The following WWOX variants were observed in gnomAD, a reference collection of about 807,000 sequenced individuals.
The protein encoded by WWOX is WW domain containing oxidoreductase, also known as WW domain-containing oxidoreductase.
Under a neutral mutation model 46.2 loss-of-function variants are expected in WWOX, and 69 were observed. The ratio of observed to expected loss-of-function variants is 1.49; its 90% CI spans 1.23 to 1.82. The LOEUF (loss-of-function observed/expected upper bound fraction) is 1.82. WWOX is among the 40% of genes most tolerant of loss of function. The pLI is 0.00. For synonymous variants in WWOX, 359 were observed against 202.6 expected (o/e 1.77, Z -6.56); for missense variants, 919 against 542.6 (o/e 1.69, Z -6.89).
chr16:78,505,419 A>G (rs2085170443), intron 8 of WWOX, among the ~76,000 whole-genome samples: 1 of 152,170 alleles, frequency 6.6e-6, no homozygotes, highest in Admixed American at 6.5e-5. Context: ...CTGAGATGGA[A>G]GAGACTGGAG....
intron 8 of WWOX, among the ~76,000 whole-genome samples, chr16:78,682,680 C>T (rs1433335743): frequency 6.6e-6 from 1 of 151,874 alleles, no homozygotes; most frequent in Non-Finnish European, 1.5e-5. Flanking sequence ...TTGAGATTGG[C>T]CTGGGAAATA....
At chr16:78,549,166 C>G (rs1025869169) in intron 8 of WWOX, among the ~76,000 whole-genome samples, 1 of 152,066 alleles carries the variant, frequency 6.6e-6, no homozygotes, top group African/African-American at 2.4e-5. Flanking sequence ...GAGAGATTGC[C>G]GGTCGTAAAG....
intron 8 of WWOX, among the ~76,000 whole-genome samples, chr16:78,666,112 C>G (rs2047327153): frequency 6.6e-6 from 1 of 151,952 alleles, no homozygotes; most frequent in Non-Finnish European, 1.5e-5. Flanking sequence ...TAGTGAGAGC[C>G]CCATGTTTCT....
intron 8 of WWOX, among the ~76,000 whole-genome samples, chr16:79,175,920 A>G (rs1029424440): frequency 2.6e-5 from 4 of 152,050 alleles, no homozygotes; most frequent in African/African-American, 7.2e-5. Context: ...TCATGCTGTA[A>G]TCTCTACCTG....
At chr16:79,059,650 A>G (rs980578199) in intron 8 of WWOX, among the ~76,000 whole-genome samples, 1 of 152,136 alleles carries the variant, frequency 6.6e-6, no homozygotes, top group African/African-American at 2.4e-5. Flanking sequence ...GCATGCCACC[A>G]TGCCCGGCTA....
At chr16:79,054,640 A>C (rs377523064) in intron 8 of WWOX, among the ~76,000 whole-genome samples, 1 of 152,122 alleles carries the variant, frequency 6.6e-6, no homozygotes, top group Non-Finnish European at 1.5e-5. Context: ...TGGGCAACAT[A>C]GTGAGACCTT....
chr16:78,180,999 C>T (rs545414164), intron 5 of WWOX, among the ~76,000 whole-genome samples: 1 of 152,264 alleles, frequency 6.6e-6, no homozygotes, highest in Admixed American at 6.5e-5. Context: ...CTACTTAAAG[C>T]TGAAAACCCA....
chr16:78,633,119 G>A (rs767845068), intron 8 of WWOX, among the ~76,000 whole-genome samples: 5 of 151,990 alleles, frequency 3.3e-5, no homozygotes, highest in Non-Finnish European at 4.4e-5. Flanking sequence ...AAAATTAGCC[G>A]GGTGTGGTGG....
chr16:79,018,647 C>T (rs1471583232), intron 8 of WWOX, among the ~76,000 whole-genome samples: 1 of 152,228 alleles, frequency 6.6e-6, no homozygotes, highest in East Asian at 1.9e-4. Flanking sequence ...GAGATTGTTT[C>T]AAACATATCA....
chr16:79,161,329 C>T (rs557459808), intron 8 of WWOX, among the ~76,000 whole-genome samples: 8 of 152,226 alleles, frequency 5.3e-5, no homozygotes, highest in Middle Eastern at 3.4e-3. Flanking sequence ...CTAGGATGGA[C>T]GTCATTGTAC....
At chr16:78,126,612 A>G (rs1036184280) in intron 4 of WWOX, among the ~76,000 whole-genome samples, 2 of 152,168 alleles carry the variant, frequency 1.3e-5, no homozygotes, top group African/African-American at 4.8e-5. Context: ...TAAAGTGTCT[A>G]TTACTTTAAG....
intron 5 of WWOX, among the ~76,000 whole-genome samples, chr16:78,327,649 T>G (rs970543321): frequency 6.6e-6 from 1 of 152,188 alleles, no homozygotes; most frequent in Non-Finnish European, 1.5e-5. Context: ...TATTTTTATT[T>G]AAAAATTTTT....
chr16:78,355,788 G>A (rs1037611936), intron 5 of WWOX: 10 of 719,142 alleles, frequency 1.4e-5, no homozygotes, highest in African/African-American at 3.7e-5. Context: ...TTCTTTCTCC[G>A]GGGAGATGGC....
At chr16:78,385,115 C>T (rs1413651790) in intron 5 of WWOX, among the ~76,000 whole-genome samples, 1 of 130,282 alleles carries the variant, frequency 7.7e-6, no homozygotes, top group East Asian at 2.2e-4. Context: ...GCCTGGGCGA[C>T]AGAGTGAGAC....
chr16:78,492,687 A>G (rs1287696769), intron 8 of WWOX, among the ~76,000 whole-genome samples: 2 of 152,206 alleles, frequency 1.3e-5, no homozygotes, highest in Non-Finnish European at 2.9e-5. Context: ...TTTGGTGCTT[A>G]TGTGCTCTGG....
At chr16:78,555,168 T>TAAAA (rs10635594) in intron 8 of WWOX, among the ~76,000 whole-genome samples, 63 of 128,408 alleles carry the variant, frequency 4.9e-4, no homozygotes, top group Admixed American at 2.0e-3. Flanking sequence ...TATGATTTTG[T>TAAAA]AAAAAAAAAA....
chr16:78,621,827 G>T (rs566312945), intron 8 of WWOX, among the ~76,000 whole-genome samples: 1 of 151,726 alleles, frequency 6.6e-6, no homozygotes, highest in African/African-American at 2.4e-5. Flanking sequence ...GGATGGTCTC[G>T]ATCTCCTGAC....
rs375905643 is a variant in WWOX, at chr16:78,314,688, G to GTT, written c.517-72161_517-72160dup. On this transcript the variant is annotated intron_variant, in intron 5 of 8. Coordinates refer to ENST00000566780, the MANE Select transcript of WWOX (RefSeq NM_016373.4). ...TACAGGCACACCCCACCCTGCAGGG[G>GTT]TTTTTTTTTTTTGTTTTTTTTTTTT... 8.8e-3 allele frequency among the ~76,000 whole-genome samples: 795 copies of GTT among 90,318 alleles called. 15 individuals are homozygous for GTT. Among genetic ancestry groups the GTT allele is most frequent in the East Asian group, 0.019 (46 of 2,440 alleles). The allele number at this position is 90,318 out of a possible 152,430, so 59.3% of individuals were successfully genotyped here.
intron 8 of WWOX, among the ~76,000 whole-genome samples, chr16:78,939,482 G>C (rs1176429508): frequency 6.6e-6 from 1 of 152,180 alleles, no homozygotes; most frequent in Non-Finnish European, 1.5e-5. Flanking sequence ...AATTTTTTGA[G>C]AAATGGCCAA....
Sources: allele counts gnomAD v4.1 joint callset (sites outside exome capture counted in the v4.1 genomes callset), GRCh38; gene constraint gnomAD v4.1.1; transcripts MANE v1.5; gene names NCBI Gene and HGNC (gene_info 2026-07-23, HGNC 2026-07-21).